The following CWC22 variants were observed in gnomAD, a reference collection of about 807,000 sequenced individuals.
CWC22 encodes the protein pre-mRNA-splicing factor CWC22 homolog.
CWC22 carries 53 observed loss-of-function variants against 117.2 expected under a neutral mutation model. The ratio of observed to expected loss-of-function variants is 0.45; its 90% CI spans 0.36 to 0.57. The LOEUF (loss-of-function observed/expected upper bound fraction) is 0.57, where lower values mean the gene tolerates loss of function less well. CWC22 is among the 20% of genes least tolerant of loss of function. The probability of loss-of-function intolerance (pLI) is 0.00; values close to 1 mark genes in which losing one functional copy is unlikely to be tolerated. For missense variants in CWC22, 980 were observed against 1,068.8 expected (o/e 0.92, Z 1.16); for synonymous variants, 360 against 355.6 (o/e 1.01, Z -0.14).
chr2:179,970,591 A>G (rs1687007621), intron 10 of CWC22, 28 bp from the exon 11 acceptor site: 1 of 1,556,846 alleles, frequency 6.4e-7, no homozygotes, highest in African/African-American at 1.4e-5. Context: ...GTTAATGTTT[A>G]TTTTCTATAT....
chr2:179,946,449 C>A (rs1381061432), intron 19 of CWC22, among the ~76,000 whole-genome samples: 65 of 41,694 alleles, frequency 1.6e-3, no homozygotes, highest in African/African-American at 1.8e-3. Context: ...GGACTCTGTC[C>A]AAAAAAAAAA....
intron 1 of CWC22, among the ~76,000 whole-genome samples, chr2:180,006,038 G>A (rs1687964169): frequency 6.6e-6 from 1 of 152,178 alleles, no homozygotes. Context: ...CCCTTCCATA[G>A]TAGGATGATA....
chr2:179,998,441 A>T (rs3845706), intron 1 of CWC22, among the ~76,000 whole-genome samples: 103,359 of 151,924 alleles, frequency 0.68, 35,558 homozygotes, highest in Middle Eastern at 0.72. Context: ...CAACTGAAGT[A>T]CAGAGAATTC....
chr2:179,973,355 T>C (rs1344015177), intron 7 of CWC22, 109 bp from the exon 8 acceptor site: 1 of 746,962 alleles, frequency 1.3e-6, no homozygotes, highest in South Asian at 1.9e-5. Context: ...ACCACACAAG[T>C]ATAATTTTTA....
chr2:179,979,783 T>A (rs1003136443), intron 5 of CWC22, among the ~76,000 whole-genome samples: 21 of 152,338 alleles, frequency 1.4e-4, no homozygotes, highest in African/African-American at 4.1e-4. Flanking sequence ...AGACACAAGA[T>A]GCATGGCTTA....
Position 179,971,071 on chromosome 2 carries a change from G to C in CWC22, c.810C>G (p.His270Gln), listed in dbSNP as rs140779227. ...VAHLINQNVA[H>Q]EVLCLEMLTL... is the part of the protein sequence containing the mutation. The stretch of plus-strand genomic sequence containing the variant: ...TGAGCATCTCTAAGCATAATACTTC[G>C]TGTGCCTTAAATAAAATACATATAC... The change falls in exon 9 of 20, where the codon CAC (histidine) becomes CAG (glutamine). Residue 270 changes from histidine (H) to glutamine (Q), a missense_variant. This residue lies in a region of CWC22 where 559 missense variants were observed against 602.3 expected (regional missense o/e 0.93). Transcript: ENST00000410053. 1 of 1,559,740 alleles carries C rather than the reference G, an allele frequency of 6.4e-7. No homozygotes were observed. The highest frequency in any genetic ancestry group is 1.2e-5 in the South Asian group (1 of 82,840).
intron 6 of CWC22, among the ~76,000 whole-genome samples, chr2:179,974,713 C>T (rs1687114869): frequency 6.6e-6 from 1 of 152,126 alleles, no homozygotes; most frequent in African/African-American, 2.4e-5. Context: ...ACTTTCTCTA[C>T]CTCTAAAACT....
chr2:179,986,783 G>T lies in CWC22; in HGVS notation c.118C>A (p.Pro40Thr), dbSNP rs769283097. ...EDRYEEQERS[P>T]RDRDYFDYSR... ...TAATCAAAGTAATCTCTATCCCGGG[G>T]GGATCGTTCTTGTTCTTCATATCTA... Residue 40 changes from proline (P) to threonine (T), a missense_variant, in exon 4 of 20, where the codon CCC becomes ACC. This residue lies in a region of CWC22 where 559 missense variants were observed against 602.3 expected (regional missense o/e 0.93). Coordinates refer to ENST00000410053, the MANE Select transcript of CWC22 (RefSeq NM_020943.3). The T allele has an allele frequency of 1.9e-6, 3 of 1,592,808 alleles. No individual in the cohort carries two copies. Among genetic ancestry groups the T allele is most frequent in the African/African-American group, 1.4e-5 (1 of 73,832 alleles).
intron 1 of CWC22, among the ~76,000 whole-genome samples, chr2:180,002,565 G>C (rs1687872958): frequency 6.6e-6 from 1 of 152,354 alleles, no homozygotes; most frequent in South Asian, 2.1e-4. Flanking sequence ...ACTAAAGGCA[G>C]TGTCTATGTA....
At chr2:179,983,585 T>TG (rs1378966231) in intron 4 of CWC22, among the ~76,000 whole-genome samples, 2 of 152,148 alleles carry the variant, frequency 1.3e-5, no homozygotes, top group Non-Finnish European at 2.9e-5. Context: ...CACATGCATG[T>TG]GTCTTTATAA....
chr2:179,973,971 A>C (rs902449520), intron 6 of CWC22, among the ~76,000 whole-genome samples, 169 bp from the exon 7 acceptor site: 4 of 152,218 alleles, frequency 2.6e-5, no homozygotes, highest in African/African-American at 9.7e-5. Flanking sequence ...GTTTTTCAGA[A>C]AACGAAATGT....
Position 179,945,149 on chromosome 2 carries a change from A to G in CWC22, c.2707T>C (p.Ser903Pro). 6.3e-7 allele frequency: 1 copy of G among 1,597,906 alleles called. No homozygotes were observed. The highest frequency in any genetic ancestry group is 1.1e-5 in the South Asian group (1 of 87,192). Residue 903 changes from serine (S) to proline (P), a missense_variant, in exon 20 of 20, where the codon TCT becomes CCT. By Grantham distance (74) the Ser-to-Pro change is moderately conservative. This residue lies in a region of CWC22 where 306 missense variants were observed against 296.8 expected (regional missense o/e 1.03). Coordinates refer to ENST00000410053, the MANE Select transcript of CWC22 (RefSeq NM_020943.3). ...TAGAATTATTTTTGTTTTGCTGGAG[A>G]CTTTTCTCTTCGCCGGTCCTGATTT... ...KKNQDRRREK[S>P]PAKQK
chr2:180,003,683 G>C (rs919309451), intron 1 of CWC22, among the ~76,000 whole-genome samples: 2 of 152,126 alleles, frequency 1.3e-5, no homozygotes, highest in Admixed American at 1.3e-4. Context: ...GACTCACAGG[G>C]TAACTTTTCA....
At chr2:179,966,357 C>A (rs375507420) in intron 11 of CWC22, among the ~76,000 whole-genome samples, 1 of 151,942 alleles carries the variant, frequency 6.6e-6, no homozygotes, top group Non-Finnish European at 1.5e-5. Context: ...CAGTCCATTA[C>A]AAAAAGTTAA....
chr2:179,988,671 T>C, intron 2 of CWC22, 27 bp from the exon 3 acceptor site: 3 of 1,271,422 alleles, frequency 2.4e-6, no homozygotes, highest in Admixed American at 4.9e-5. Flanking sequence ...GGGGAAAACA[T>C]TTCAAAAATT....
At chr2:179,947,026 T>C (rs954349941) in intron 19 of CWC22, among the ~76,000 whole-genome samples, 1 of 152,126 alleles carries the variant, frequency 6.6e-6, no homozygotes. Flanking sequence ...CTTTAAGCAA[T>C]AAAACAAACT....
At position 179,950,707 on chromosome 2, in the gene CWC22, T is replaced by G; in HGVS notation, c.1945A>C (p.Asn649His). Residue 649 changes from asparagine to histidine, a missense_variant, in exon 19 of 20, where the codon AAT becomes CAT. Physicochemically the swap from Asn to His is moderately conservative, Grantham distance 68. Coordinates refer to ENST00000410053, the MANE Select transcript of CWC22 (RefSeq NM_020943.3). The part of the protein sequence containing the change: ...LTDELREHLK[N>H]TPKVIVAQKP... ...TGCGCCACAATGACCTTTGGTGTAT[T>G]TTTGAGATGCTCCCGCAGTTCATCC... 1 of 1,613,602 alleles carries G rather than the reference T, an allele frequency of 6.2e-7. No individual in the cohort carries two copies. Among genetic ancestry groups the G allele is most frequent in the Non-Finnish European group, 8.5e-7 (1 of 1,179,588 alleles).
chr2:179,958,656 T>C (rs150563835), intron 14 of CWC22, among the ~76,000 whole-genome samples: 50 of 152,202 alleles, frequency 3.3e-4, no homozygotes, highest in East Asian at 2.9e-3. Context: ...AACCAAAAGA[T>C]TGGATACCCC....
intron 4 of CWC22, among the ~76,000 whole-genome samples, chr2:179,984,108 T>C (rs531244554): frequency 6.6e-6 from 1 of 152,244 alleles, no homozygotes; most frequent in East Asian, 1.9e-4. Flanking sequence ...CATTTTCATA[T>C]ACTAGACCTA....
Sources: allele counts gnomAD v4.1 joint callset (sites outside exome capture counted in the v4.1 genomes callset), GRCh38; gene constraint gnomAD v4.1.1; regional missense constraint gnomAD v4.1.1; transcripts MANE v1.5; gene names NCBI Gene and HGNC (gene_info 2026-07-23, HGNC 2026-07-21).